Variants in MTMR14 observed in about 807,000 individuals in gnomAD.
MTMR14 encodes the protein phosphatidylinositol-3,5-bisphosphate 3-phosphatase MTMR14.
Under a neutral mutation model 86.3 loss-of-function variants are expected in MTMR14, and 48 were observed. The observed-to-expected ratio is 0.56, with a 90% CI of 0.44 to 0.71. MTMR14 has a LOEUF of 0.71. Among genes scored for constraint, MTMR14 ranks in the 30% least tolerant of loss-of-function variants. The pLI is 0.00. For synonymous variants in MTMR14, 366 were observed against 326.1 expected (o/e 1.12, Z -1.32); for missense variants, 780 against 834.6 (o/e 0.93, Z 0.81).
At chr3:9,683,151 C>T in intron 9 of MTMR14, 27 bp from the exon 10 acceptor site, 1 of 1,602,700 alleles carries the variant, frequency 6.2e-7, no homozygotes, top group Non-Finnish European at 8.5e-7. Flanking sequence ...GAGTTAATGT[C>T]CATTTCTTCT....
At chr3:9,680,320 A>T (rs1431974220) in intron 9 of MTMR14, among the ~76,000 whole-genome samples, 1 of 152,158 alleles carries the variant, frequency 6.6e-6, no homozygotes, top group Non-Finnish European at 1.5e-5. Context: ...TCAGGCCACC[A>T]CTGTCTCAGT....
At chr3:9,661,044 T>C (rs1177324295) in intron 2 of MTMR14, among the ~76,000 whole-genome samples, 1 of 152,208 alleles carries the variant, frequency 6.6e-6, no homozygotes, top group African/African-American at 2.4e-5. Flanking sequence ...TCTCAAGTTC[T>C]AGAAGCTCAC....
intron 3 of MTMR14, among the ~76,000 whole-genome samples, chr3:9,666,696 C>T (rs143826448): frequency 6.6e-6 from 1 of 152,166 alleles, no homozygotes; most frequent in African/African-American, 2.4e-5. Flanking sequence ...TGGAACAATT[C>T]ATCTTTCTTT....
intron 3 of MTMR14, among the ~76,000 whole-genome samples, chr3:9,665,185 G>A (rs1019244124): frequency 6.6e-6 from 1 of 151,844 alleles, no homozygotes; most frequent in East Asian, 1.9e-4. Flanking sequence ...CGGAGGCTGA[G>A]GCAGGAGAAT....
At chr3:9,685,296 G>A (rs768682204) in intron 13 of MTMR14, 49 bp downstream of exon 13, 9 of 1,609,520 alleles carry the variant, frequency 5.6e-6, no homozygotes, top group Non-Finnish European at 7.7e-6. Flanking sequence ...ACTGAAAGAG[G>A]GGCAGTGGGT....
Position 9,684,704 on chromosome 3 carries a change from C to G in MTMR14, c.1050+34C>G, listed in dbSNP as rs371856924. ...GAATCGGCCCCTACCAAGCTCTGCT[C>G]TTTGGGTGTGTTAGGATTGTCTCCA... On this transcript the variant is annotated intron_variant, in intron 11 of 18. Transcript: ENST00000296003. The G allele has an allele frequency of 8.7e-6, 14 of 1,610,698 alleles. No homozygotes were observed. In the African/African-American group the frequency reaches 1.7e-4, roughly 20 times the overall value.
rs2075640803 is a variant in MTMR14, at chr3:9,678,058, G to C, written c.897G>C (p.Gln299His). 1 of 1,613,992 alleles carries C rather than the reference G, an allele frequency of 6.2e-7. No homozygotes were observed. The highest frequency in any genetic ancestry group is 2.2e-5 in the East Asian group (1 of 44,880). Residue 299 changes from glutamine (Q) to histidine (H), a missense_variant and splice_region_variant, in exon 9 of 19, where the codon CAG becomes CAC. By Grantham distance (24) the Gln-to-His change is conservative. Coordinates refer to ENST00000296003, the MANE Select transcript of MTMR14 (RefSeq NM_001077525.3). ...TGAACATTGACTGGAGCCAGTATCA[G>C]GTGAGGGGCCTGACTCAAGCATTGA... ...HSLNIDWSQYQCWDLVQQTQN... is the reference protein window; with the variant it reads ...HSLNIDWSQYHCWDLVQQTQN...
At position 9,662,249 on chromosome 3, in the gene MTMR14, C is replaced by T. The variant is rs1559566053; in HGVS notation, c.309-18C>T. On this transcript the variant is annotated intron_variant, in intron 2 of 18. Coordinates refer to ENST00000296003, the MANE Select transcript of MTMR14 (RefSeq NM_001077525.3). ...ACTTCAAAGTCAGCTTGACCTGCTT[C>T]TCTTGCCTGTGTGTTAGGTTTGAGA... 6.2e-7 allele frequency: 1 copy of T among 1,610,022 alleles called. No individual in the cohort carries two copies. The highest frequency in any genetic ancestry group is 8.5e-7 in the Non-Finnish European group (1 of 1,177,340).
chr3:9,677,521 T>C lies in MTMR14; in HGVS notation c.822+134T>C. On this transcript the variant is annotated intron_variant, in intron 8 of 18. Transcript: ENST00000296003. This position sits in a 1 kb window ranked among gnomAD's most constrained non-coding sequence, Gnocchi z 4.2. ...ATAACTCCCCTTTCCTCCCTGATTGTTTCTGTCTTCCTCTCCCTCTTCTCC... is the reference window on the plus strand; with the variant it reads ...ATAACTCCCCTTTCCTCCCTGATTGCTTCTGTCTTCCTCTCCCTCTTCTCC... The C allele has an allele frequency of 1.3e-6, 1 of 769,800 alleles. No individual in the cohort carries two copies. Among genetic ancestry groups the C allele is most frequent in the Non-Finnish European group, 2.3e-6 (1 of 436,374 alleles). The allele number at this position is 769,800 out of a possible 1,614,324, so 47.7% of individuals were successfully genotyped here.
At chr3:9,676,811 G>C (rs765538949) in intron 7 of MTMR14, among the ~76,000 whole-genome samples, 4 of 152,178 alleles carry the variant, frequency 2.6e-5, no homozygotes, top group Non-Finnish European at 4.4e-5. Context: ...CTTGAGCACC[G>C]GGTTTTAGGC....
intron 18 of MTMR14, among the ~76,000 whole-genome samples, chr3:9,698,663 T>C (rs1169596002): frequency 6.6e-6 from 1 of 151,982 alleles, no homozygotes; most frequent in Admixed American, 6.5e-5. Context: ...GCAGGGTGCC[T>C]TGGGGAGTTG....
chr3:9,651,557 C>T (rs2047294553), intron 1 of MTMR14, among the ~76,000 whole-genome samples: 1 of 152,186 alleles, frequency 6.6e-6, no homozygotes, highest in African/African-American at 2.4e-5. Context: ...CTCCTGCAAA[C>T]TTAGATGTAT....
At chr3:9,661,352 C>T (rs1323420293) in intron 2 of MTMR14, among the ~76,000 whole-genome samples, 1 of 152,164 alleles carries the variant, frequency 6.6e-6, no homozygotes, top group Non-Finnish European at 1.5e-5. Flanking sequence ...ACCCCAGTCC[C>T]TCACATGCGG....
chr3:9,696,050 C>T (rs1315414974), intron 17 of MTMR14, among the ~76,000 whole-genome samples: 3 of 152,210 alleles, frequency 2.0e-5, no homozygotes, highest in African/African-American at 7.2e-5. Context: ...CCATCACGCA[C>T]CTTCTAGAGT....
intron 4 of MTMR14, 83 bp from the exon 5 acceptor site, chr3:9,669,349 T>G: frequency 2.1e-6 from 3 of 1,411,978 alleles, no homozygotes; most frequent in Non-Finnish European, 3.0e-6. Flanking sequence ...CTTGGCACTA[T>G]GGGGAAGGAG....
At chr3:9,676,019 G>A (rs1241753870) in intron 7 of MTMR14, among the ~76,000 whole-genome samples, 1 of 152,188 alleles carries the variant, frequency 6.6e-6, no homozygotes. Flanking sequence ...AGCCACTTCT[G>A]GAAAACATGG....
chr3:9,652,933 CTG>C (rs1574916426), intron 1 of MTMR14, among the ~76,000 whole-genome samples: 1 of 152,022 alleles, frequency 6.6e-6, no homozygotes, highest in Non-Finnish European at 1.5e-5. Flanking sequence ...CAGAGTGAGA[CTG>C]TGTCTTTTAA....
intron 15 of MTMR14, 46 bp downstream of exon 15, chr3:9,688,800 C>T (rs1016465667): frequency 6.2e-7 from 1 of 1,612,696 alleles, no homozygotes; most frequent in Non-Finnish European, 8.5e-7. Flanking sequence ...ATACATCTTC[C>T]CGTGTACAGA....
chr3:9,658,126 G>A (rs1213397366), intron 2 of MTMR14, among the ~76,000 whole-genome samples: 1 of 152,202 alleles, frequency 6.6e-6, no homozygotes, highest in African/African-American at 2.4e-5. Context: ...CTGAAGTGAT[G>A]TTGAGTGGGT....
Sources: allele counts gnomAD v4.1 joint callset (sites outside exome capture counted in the v4.1 genomes callset), GRCh38; gene constraint gnomAD v4.1.1; non-coding constraint Gnocchi (gnomAD v3.1); transcripts MANE v1.5; gene names NCBI Gene and HGNC (gene_info 2026-07-23, HGNC 2026-07-21).